DIAPH2: variants seen among roughly 807,000 people sequenced by gnomAD.
DIAPH2 encodes protein diaphanous homolog 2.
Under a neutral mutation model 92.7 loss-of-function variants are expected in DIAPH2, and 35 were observed. The observed-to-expected ratio is 0.38, with a 90% confidence interval of 0.29 to 0.50. The LOEUF (loss-of-function observed/expected upper bound fraction) is 0.50, where lower values mean the gene tolerates loss of function less well. DIAPH2 is among the 20% of genes least tolerant of loss of function. The pLI is 0.94. For missense variants in DIAPH2, 701 were observed against 819.5 expected, an observed-to-expected ratio of 0.86 and a Z score of 1.77; for synonymous variants, 301 against 280.4, an observed-to-expected ratio of 1.07 and a Z score of -0.73.
At chrX:96,915,931 G>GTT (rs1268504879) in intron 7 of DIAPH2, among the ~76,000 whole-genome samples, 2 of 111,278 alleles carry the variant, frequency 1.8e-5, no homozygotes, top group Non-Finnish European at 3.8e-5. Flanking sequence ...AATCAGGGAG[G>GTT]ATAAGAGAGA....
At chrX:97,550,227 C>T (rs775981651) in intron 26 of DIAPH2, among the ~76,000 whole-genome samples, 7 of 111,496 alleles carry the variant, frequency 6.3e-5, no homozygotes, top group East Asian at 2.8e-4. Flanking sequence ...GGTGTGGTGG[C>T]GGGCGCCTGT....
At chrX:97,066,788 C>A (rs1353087746) in intron 17 of DIAPH2, among the ~76,000 whole-genome samples, 2 of 112,057 alleles carry the variant, frequency 1.8e-5, no homozygotes, top group Admixed American at 1.9e-4. Context: ...ATTAGTTATG[C>A]AGATGTTAAT....
intron 23 of DIAPH2, among the ~76,000 whole-genome samples, chrX:97,318,606 C>T (rs2068862946): frequency 9.6e-6 from 1 of 104,117 alleles, no homozygotes; most frequent in Non-Finnish European, 1.9e-5. Flanking sequence ...TATTCTCAGC[C>T]TCCTGAGTAG....
chrX:97,039,529 CAA>C (rs913887136), intron 17 of DIAPH2, among the ~76,000 whole-genome samples: 6 of 111,328 alleles, frequency 5.4e-5, no homozygotes, highest in Admixed American at 2.9e-4. Context: ...GATAGGGACT[CAA>C]GAGAAATTAT....
At chrX:96,884,047 G>A (rs2065239066) in intron 5 of DIAPH2, 2 of 297,062 alleles carry the variant, frequency 6.7e-6, no homozygotes, top group Non-Finnish European at 1.2e-5. Flanking sequence ...AGCAACCACT[G>A]ACACACAGGG....
intron 5 of DIAPH2, among the ~76,000 whole-genome samples, chrX:96,886,629 T>G (rs1158186830): frequency 2.7e-5 from 3 of 111,550 alleles, no homozygotes; most frequent in Non-Finnish European, 3.8e-5. Context: ...AAAATTCTGG[T>G]CTTCATAAAC....
intron 21 of DIAPH2, among the ~76,000 whole-genome samples, chrX:97,128,683 C>A (rs2067110234): frequency 8.9e-6 from 1 of 112,136 alleles, no homozygotes; most frequent in Admixed American, 9.4e-5. Context: ...CAGTGGATCC[C>A]CACTCCTAGC....
chrX:97,490,179 G>A (rs12557319), intron 26 of DIAPH2, among the ~76,000 whole-genome samples: 45,319 of 109,072 alleles, frequency 0.42, 8,130 homozygotes, highest in Non-Finnish European at 0.56. Flanking sequence ...CCATTGCTTC[G>A]AGATTATCCA....
chrX:96,703,761 T>C (rs765956282), intron 1 of DIAPH2, among the ~76,000 whole-genome samples: 7 of 111,837 alleles, frequency 6.3e-5, no homozygotes, highest in African/African-American at 2.3e-4. Context: ...TTATCATGAA[T>C]TTTTTTTCCG....
intron 23 of DIAPH2, among the ~76,000 whole-genome samples, chrX:97,325,984 TTAATC>T (rs1249200092): frequency 8.9e-6 from 1 of 112,778 alleles, no homozygotes; most frequent in Non-Finnish European, 1.9e-5. Flanking sequence ...TCTACTTTAT[TTAATC>T]TAAGGCATTT....
At chrX:96,948,594 T>C (rs1233302028) in intron 14 of DIAPH2, among the ~76,000 whole-genome samples, 1 of 111,988 alleles carries the variant, frequency 8.9e-6, no homozygotes, top group African/African-American at 3.2e-5. Context: ...GGATGAAATA[T>C]TTTTAAAATT....
intron 1 of DIAPH2, among the ~76,000 whole-genome samples, chrX:96,698,761 T>C (rs1473238154): frequency 9.4e-6 from 1 of 106,484 alleles, no homozygotes; most frequent in Non-Finnish European, 1.9e-5. Flanking sequence ...GAGGTCTTGC[T>C]CTGTTGCCCA....
chrX:97,511,204 TCTC>T (rs1404580311), intron 26 of DIAPH2, among the ~76,000 whole-genome samples: 1 of 94,814 alleles, frequency 1.1e-5, no homozygotes, highest in African/African-American at 3.8e-5. Flanking sequence ...GGTTTGTAGT[TCTC>T]CTTGAAGAGG....
intron 1 of DIAPH2, among the ~76,000 whole-genome samples, chrX:96,700,512 A>G (rs925292692): frequency 8.9e-6 from 1 of 112,213 alleles, no homozygotes; most frequent in African/African-American, 3.2e-5. Flanking sequence ...TTTTCTATCT[A>G]CTTTGACATC....
chrX:97,239,517 A>AT (rs776009022), intron 22 of DIAPH2, among the ~76,000 whole-genome samples: 3 of 111,690 alleles, frequency 2.7e-5, no homozygotes, highest in South Asian at 7.6e-4. Context: ...CTATAATTTA[A>AT]TTTTTTAGTG....
intron 9 of DIAPH2, among the ~76,000 whole-genome samples, chrX:96,926,767 A>C (rs1389349917): frequency 9.0e-6 from 1 of 111,590 alleles, no homozygotes; most frequent in Non-Finnish European, 1.9e-5. Flanking sequence ...ATCTTATGAC[A>C]TCACTGAATG....
intron 25 of DIAPH2, among the ~76,000 whole-genome samples, chrX:97,402,858 G>A (rs1258318115): frequency 1.9e-5 from 2 of 107,917 alleles, no homozygotes; most frequent in African/African-American, 6.7e-5. Context: ...GCATAATTTT[G>A]AAGACCCTGT....
rs2065327190 is a variant in DIAPH2, at chrX:96,894,209, A to G, written c.587+12491A>G. ...TATTGAACATATGCAGATTGACTCT[A>G]TTTCTATTTTGGAGGATATTGCCTG... is the stretch of plus-strand genomic sequence containing the variant. On this transcript the variant is annotated intron_variant, in intron 5 of 26. Transcript: ENST00000324765. Among the ~76,000 whole-genome samples, 7 of 109,465 alleles carry G rather than the reference A, an allele frequency of 6.4e-5. No individual in the cohort carries two copies. In the South Asian group the frequency reaches 2.7e-3, roughly 43 times the overall value.
chrX:97,185,491 A>ATGTG (rs2067593855), intron 22 of DIAPH2, among the ~76,000 whole-genome samples: 1 of 44,241 alleles, frequency 2.3e-5, no homozygotes, highest in Non-Finnish European at 3.5e-5. Flanking sequence ...ATATATATAT[A>ATGTG]TATATATATA....
Sources: allele counts gnomAD v4.1 joint callset (sites outside exome capture counted in the v4.1 genomes callset), GRCh38; gene constraint gnomAD v4.1.1; transcripts MANE v1.5; gene names NCBI Gene and HGNC (gene_info 2026-07-23, HGNC 2026-07-21).